TAFA2: variants seen among roughly 807,000 people sequenced by gnomAD.
TAFA2 encodes chemokine-like protein TAFA-2.
Under a neutral mutation model 18.8 loss-of-function variants are expected in TAFA2, and 7 were observed. The ratio of observed to expected loss-of-function variants is 0.37; its 90% CI spans 0.21 to 0.70. The LOEUF is 0.70. Ranked by LOEUF, TAFA2 falls within the 30% of genes least tolerant of loss-of-function variation. TAFA2 has a pLI of 0.53. For synonymous variants in TAFA2, 60 were observed against 54.2 expected (o/e 1.11, Z -0.47); for missense variants, 122 against 158.1 (o/e 0.77, Z 1.23).
chr12:61,927,174 C>A (rs1877339605), intron 1 of TAFA2, among the ~76,000 whole-genome samples: 1 of 151,116 alleles, frequency 6.6e-6, no homozygotes, highest in East Asian at 1.9e-4. Context: ...GGCAATCAGG[C>A]AACAGAAAGA....
chr12:61,907,177 T>G (rs1436483900), intron 1 of TAFA2, among the ~76,000 whole-genome samples: 5 of 152,166 alleles, frequency 3.3e-5, no homozygotes, highest in African/African-American at 1.2e-4. Flanking sequence ...ATCACCAAGA[T>G]AGTGGGGAAA....
chr12:62,119,151 C>T (rs559019863), intron 1 of TAFA2, among the ~76,000 whole-genome samples: 1 of 152,036 alleles, frequency 6.6e-6, no homozygotes, highest in Non-Finnish European at 1.5e-5. Flanking sequence ...TTTTCATAGA[C>T]ATTTAATGAA....
chr12:62,186,386 A>G (rs1209247712), intron 1 of TAFA2, among the ~76,000 whole-genome samples: 1 of 152,156 alleles, frequency 6.6e-6, no homozygotes, highest in Non-Finnish European at 1.5e-5. Flanking sequence ...TGAACTTTCC[A>G]GGCTTCATGT....
At chr12:61,899,510 G>A (rs1017178565) in intron 1 of TAFA2, among the ~76,000 whole-genome samples, 1 of 152,130 alleles carries the variant, frequency 6.6e-6, no homozygotes, top group Non-Finnish European at 1.5e-5. Flanking sequence ...AGAGGAGAGA[G>A]GGTGAAAACA....
intron 2 of TAFA2, among the ~76,000 whole-genome samples, chr12:61,766,492 A>G (rs1447968158): frequency 6.6e-6 from 1 of 152,082 alleles, no homozygotes; most frequent in Non-Finnish European, 1.5e-5. Flanking sequence ...TACTCTAGGA[A>G]GCTGTTACTT....
intron 2 of TAFA2, among the ~76,000 whole-genome samples, chr12:61,755,339 C>G (rs762725827): frequency 1.1e-4 from 16 of 152,074 alleles, no homozygotes; most frequent in Non-Finnish European, 2.2e-4. Context: ...TTTTTAATGC[C>G]TTTTTGTTCA....
chr12:62,115,245 C>G (rs969510677), intron 1 of TAFA2, among the ~76,000 whole-genome samples: 4 of 152,046 alleles, frequency 2.6e-5, no homozygotes, highest in Admixed American at 6.6e-5. Flanking sequence ...CCCTTTGCAC[C>G]AAAATTGTGT....
chr12:62,116,922 T>C (rs1869986903), intron 1 of TAFA2, among the ~76,000 whole-genome samples: 1 of 152,190 alleles, frequency 6.6e-6, no homozygotes, highest in Non-Finnish European at 1.5e-5. Flanking sequence ...AATTAGGCTG[T>C]TGGGGTAGGA....
At chr12:61,720,358 C>G (rs1353574759) in intron 4 of TAFA2, among the ~76,000 whole-genome samples, 1 of 152,088 alleles carries the variant, frequency 6.6e-6, no homozygotes, top group Admixed American at 6.6e-5. Flanking sequence ...CAAGAATACA[C>G]CCAGATTTTT....
chr12:61,932,171 T>C (rs1000012486), intron 1 of TAFA2, among the ~76,000 whole-genome samples: 2 of 152,206 alleles, frequency 1.3e-5, no homozygotes, highest in Admixed American at 1.3e-4. Flanking sequence ...AACCAGATTT[T>C]AGATTTTCCT....
At chr12:62,148,013 A>G (rs2062299618) in intron 1 of TAFA2, among the ~76,000 whole-genome samples, 1 of 152,112 alleles carries the variant, frequency 6.6e-6, no homozygotes, top group Non-Finnish European at 1.5e-5. Context: ...CCACAATAAG[A>G]TACCATCGAA....
At chr12:62,227,500 G>A (rs2062792064) in intron 1 of TAFA2, among the ~76,000 whole-genome samples, 1 of 152,184 alleles carries the variant, frequency 6.6e-6, no homozygotes, top group African/African-American at 2.4e-5. Context: ...ATTGAGCTGA[G>A]TTTCTCATGC....
At chr12:61,935,872 A>G (rs1877741422) in intron 1 of TAFA2, among the ~76,000 whole-genome samples, 1 of 152,090 alleles carries the variant, frequency 6.6e-6, no homozygotes, top group Non-Finnish European at 1.5e-5. Flanking sequence ...AAAACTTACC[A>G]AACAAAAAGA....
intron 1 of TAFA2, among the ~76,000 whole-genome samples, chr12:61,988,444 T>A (rs1319702391): frequency 6.6e-6 from 1 of 152,144 alleles, no homozygotes; most frequent in South Asian, 2.1e-4. Context: ...TGTGAATTCA[T>A]ATAGAAAGAC....
intron 1 of TAFA2, among the ~76,000 whole-genome samples, chr12:62,218,310 G>A (rs906529933): frequency 6.6e-6 from 1 of 151,948 alleles, no homozygotes; most frequent in African/African-American, 2.4e-5. Context: ...ATTTTAATTT[G>A]TAAAGAAAAA....
chr12:61,876,138 T>C (rs1874835740), intron 1 of TAFA2, among the ~76,000 whole-genome samples: 1 of 152,126 alleles, frequency 6.6e-6, no homozygotes, highest in Non-Finnish European at 1.5e-5. Flanking sequence ...AATAAGGCTT[T>C]TATCAATGCA....
At chr12:62,098,174 T>C (rs75774022) in intron 1 of TAFA2, among the ~76,000 whole-genome samples, 8,240 of 152,224 alleles carry the variant, frequency 0.054, 334 homozygotes, top group Non-Finnish European at 0.083. Context: ...ACCATTAATA[T>C]CCTGAAAGAG....
intron 1 of TAFA2, among the ~76,000 whole-genome samples, chr12:62,154,434 A>G (rs2062354202): frequency 6.6e-6 from 1 of 152,178 alleles, no homozygotes; most frequent in Non-Finnish European, 1.5e-5. Context: ...GGGAAGTTAG[A>G]AAATGTAGGC....
intron 2 of TAFA2, among the ~76,000 whole-genome samples, chr12:61,773,854 G>C (rs1870139755): frequency 6.6e-6 from 1 of 151,918 alleles, no homozygotes; most frequent in African/African-American, 2.4e-5. Context: ...AAATATATGG[G>C]ACTTAATTAA....
Sources: gnomAD v4.1 joint callset for allele counts (sites outside exome capture counted in the v4.1 genomes callset) on GRCh38, gnomAD v4.1.1 for gene constraint, MANE v1.5 for transcripts, NCBI Gene and HGNC (gene_info 2026-07-23, HGNC 2026-07-21) for gene names.